Variants in LPIN3 observed in about 807,000 individuals in gnomAD.
LPIN3 encodes phosphatidate phosphatase LPIN3.
LPIN3 carries 82 observed loss-of-function variants against 94.7 expected under a neutral mutation model. That is an observed-to-expected ratio of 0.87 (90% CI 0.72 to 1.04). LPIN3 has a LOEUF of 1.04. Ranked by LOEUF, LPIN3 falls within the 50% of genes least tolerant of loss-of-function variation. The pLI, the probability that LPIN3 is intolerant of heterozygous loss-of-function variation, is 0.00. For synonymous variants in LPIN3, 418 were observed against 443.3 expected (o/e 0.94, Z 0.72); for missense variants, 996 against 1,090.5 (o/e 0.91, Z 1.22).
In LPIN3 at chr20:41,350,351, G is replaced by A; in HGVS notation, c.1056G>A (p.Glu352=). 1 of 1,599,814 alleles carries A rather than the reference G, an allele frequency of 6.3e-7. No homozygotes were observed. Among genetic ancestry groups the A allele is most frequent in the Non-Finnish European group, 8.5e-7 (1 of 1,169,930 alleles). Residue 352 remains glutamate (E), a synonymous_variant, in exon 7 of 20, where the codon GAG becomes GAA. Coordinates refer to ENST00000373257, the MANE Select transcript of LPIN3 (RefSeq NM_022896.3). ...AGTCATGGAGCTGGGCCACTCTGGA[G>A]GTTCCAGTTCCCACCGGGCAGCCAG... ...ASKSWSWATL[E]VPVPTGQPER... is the part of the protein sequence containing the mutation.
chr20:41,357,492 T>C, intron 16 of LPIN3, 45 bp downstream of exon 16: 1 of 1,512,370 alleles, frequency 6.6e-7, no homozygotes, highest in South Asian at 1.1e-5. Flanking sequence ...GGCCCCCAGC[T>C]CTAGAGAGGG....
chr20:41,352,506 C>T lies in LPIN3; in HGVS notation c.1364-100C>T, dbSNP rs565567086. On this transcript the variant is annotated intron_variant, in intron 9 of 19. Coordinates refer to ENST00000373257, the MANE Select transcript of LPIN3 (RefSeq NM_022896.3). Reference sequence around the variant, plus strand: ...AGCACTGCCAGGTTACAAAGCCAACCGACAGGAGGTGAGCAGCAGAGTGGG... The same window carrying T: ...AGCACTGCCAGGTTACAAAGCCAACTGACAGGAGGTGAGCAGCAGAGTGGG... 8.3e-5 allele frequency: 91 copies of T among 1,096,978 alleles called. 1 individual carries two copies. Among genetic ancestry groups the T allele is most frequent in the South Asian group, 1.1e-4 (8 of 73,008 alleles). 68.0% of individuals were successfully genotyped at this position (1,096,978 alleles called of 1,614,324 possible). A position where few individuals can be genotyped will look rare whatever the true frequency, so the allele number is the denominator to read the frequency against.
chr20:41,349,004 C>T lies in LPIN3; in HGVS notation c.558-88C>T, dbSNP rs955235046. The T allele has an allele frequency of 3.8e-6, 6 of 1,583,574 alleles. No homozygotes were observed. In the African/African-American group the frequency reaches 8.1e-5, roughly 21 times the overall value. On this transcript the variant is annotated intron_variant, in intron 4 of 19. Transcript: ENST00000373257. Reference sequence around the variant, plus strand: ...ACCTCTCTGAGCAGTAGTTGCTTCACCTTACCAAGCCCCTGATGTCCAGGC... The same window carrying T: ...ACCTCTCTGAGCAGTAGTTGCTTCATCTTACCAAGCCCCTGATGTCCAGGC...
In LPIN3 at chr20:41,358,774, G is replaced by A. The variant is rs137859481; in HGVS notation, c.2464G>A (p.Gly822Ser). ...GCTCCTCTTCCCACCTGTGGCCCGT[G>A]GCCCCAGCACAGACCTGGCCAACCC... Reference protein sequence around the residue: ...VELLFPPVARGPSTDLANPEY... With the variant: ...VELLFPPVARSPSTDLANPEY... The change falls in exon 20 of 20, where the codon GGC becomes AGC. Residue 822 changes from glycine to serine, a missense_variant. By Grantham distance (56) the Gly-to-Ser change is moderately conservative. Coordinates refer to ENST00000373257, the MANE Select transcript of LPIN3 (RefSeq NM_022896.3). 1.2e-5 allele frequency: 19 copies of A among 1,614,002 alleles called. No individual in the cohort carries two copies. Among genetic ancestry groups the A allele is most frequent in the Non-Finnish European group, 1.6e-5 (19 of 1,180,032 alleles).
chr20:41,351,560 G>T (rs1407125308), intron 7 of LPIN3, among the ~76,000 whole-genome samples: 1 of 152,112 alleles, frequency 6.6e-6, no homozygotes, highest in East Asian at 1.9e-4. Flanking sequence ...CTCCCAAAGT[G>T]CTGGGATTAC....
Position 41,357,430 on chromosome 20 carries a change from C to CT in LPIN3, c.2023dup (p.Tyr675LeufsTer38), listed in dbSNP as rs754173716. 6.2e-7 allele frequency: 1 copy of CT among 1,613,700 alleles called. No homozygotes were observed. Among genetic ancestry groups the CT allele is most frequent in the South Asian group, 1.1e-5 (1 of 91,080 alleles). On this transcript the variant is annotated frameshift_variant, in exon 16 of 20. Coordinates refer to ENST00000373257, the MANE Select transcript of LPIN3 (RefSeq NM_022896.3). LOFTEE classifies it high-confidence loss of function. The stretch of plus-strand genomic sequence containing the variant: ...GGACACACCAGGGCATCACCAGTCT[C>CT]TATCACAAAATCCAACTGTGAGTGC...
At chr20:41,355,292 C>T (rs766758678) in intron 13 of LPIN3, among the ~76,000 whole-genome samples, 4 of 152,182 alleles carry the variant, frequency 2.6e-5, no homozygotes, top group Non-Finnish European at 4.4e-5. Context: ...GGATTACAGG[C>T]GTGAGCCACC....
intron 13 of LPIN3, among the ~76,000 whole-genome samples, chr20:41,355,124 C>G (rs917766746): frequency 6.6e-6 from 1 of 152,172 alleles, no homozygotes; most frequent in African/African-American, 2.4e-5. Flanking sequence ...AAGCGATTTT[C>G]CTGCCTCAGC....
rs548975382 is a variant in LPIN3, at chr20:41,358,897, C to T, written c.*31C>T. On this transcript the variant is annotated 3_prime_UTR_variant, in exon 20 of 20. Transcript: ENST00000373257. ...CCCTGGCTGGCTCCTCCTCCCTGGC[C>T]CGGCCCAGGACTGGCTAGGTGTCCT... The T allele has an allele frequency of 6.2e-7, 1 of 1,612,144 alleles. No individual in the cohort carries two copies. Among genetic ancestry groups the T allele is most frequent in the Admixed American group, 1.7e-5 (1 of 59,904 alleles).
chr20:41,352,716 G>C lies in LPIN3; in HGVS notation c.1457+17G>C. 2 of 1,613,060 alleles carry C rather than the reference G, an allele frequency of 1.2e-6. No homozygotes were observed. Among genetic ancestry groups the C allele is most frequent in the Non-Finnish European group, 1.7e-6 (2 of 1,179,018 alleles). On this transcript the variant is annotated intron_variant, in intron 10 of 19. Coordinates refer to ENST00000373257, the MANE Select transcript of LPIN3 (RefSeq NM_022896.3). Reference sequence around the variant, plus strand: ...CAATGGAAAGTAAGTCCCAGAGCTGGGGCTGCTGGCAGCCGGAGAGTCATT... The same window carrying C: ...CAATGGAAAGTAAGTCCCAGAGCTGCGGCTGCTGGCAGCCGGAGAGTCATT...
intron 1 of LPIN3, among the ~76,000 whole-genome samples, chr20:41,345,409 C>T (rs2045732355): frequency 1.3e-5 from 2 of 152,232 alleles, no homozygotes; most frequent in South Asian, 4.1e-4. Context: ...AATAATGACA[C>T]CCGCTCAGCC....
In LPIN3 at chr20:41,358,734, T is replaced by A. The variant is rs765513267; in HGVS notation, c.2424T>A (p.Leu808=). Reference sequence around the variant, plus strand: ...CTTCTGCCTGTAGGTATGAGCGGCTTGGTGAAGTGGTCGAGCTCCTCTTCC... The same window carrying A: ...CTTCTGCCTGTAGGTATGAGCGGCTAGGTGAAGTGGTCGAGCTCCTCTTCC... ...IKNHKSTYER[L]GEVVELLFPP... Residue 808 remains leucine, a synonymous_variant, in exon 20 of 20, where the codon CTT becomes CTA. Coordinates refer to ENST00000373257, the MANE Select transcript of LPIN3 (RefSeq NM_022896.3). 4 of 1,613,962 alleles carry A rather than the reference T, an allele frequency of 2.5e-6. No homozygotes were observed. The highest frequency in any genetic ancestry group is 3.4e-6 in the Non-Finnish European group (4 of 1,180,000).
At position 41,357,997 on chromosome 20, in the gene LPIN3, C is replaced by T; in HGVS notation, c.2155C>T (p.Leu719Phe). Residue 719 changes from leucine (L) to phenylalanine (F), a missense_variant, in exon 17 of 20, where the codon CTT (leucine) becomes TTT (phenylalanine). Physicochemically the swap from Leu to Phe is conservative, Grantham distance 22. Coordinates refer to ENST00000373257, the MANE Select transcript of LPIN3 (RefSeq NM_022896.3). The part of the protein sequence containing the change: ...GGCSLPKGPI[L>F]LSPSSLFSAL... ...CTGTAGCCTCCCCAAGGGCCCCATCCTTCTGTCTCCCAGCAGCCTCTTCTC... is the reference window on the plus strand; with the variant it reads ...CTGTAGCCTCCCCAAGGGCCCCATCTTTCTGTCTCCCAGCAGCCTCTTCTC... 6.2e-7 allele frequency: 1 copy of T among 1,611,188 alleles called. No individual in the cohort carries two copies. The highest frequency in any genetic ancestry group is 1.3e-5 in the African/African-American group (1 of 74,972).
chr20:41,357,755 A>T (rs2046263879), intron 16 of LPIN3, 127 bp from the exon 17 acceptor site: 2 of 1,292,918 alleles, frequency 1.5e-6, no homozygotes, highest in Non-Finnish European at 2.2e-6. Context: ...GTTCTCTTCA[A>T]GTCCCCTCCC....
chr20:41,353,148 C>G (rs748070794), intron 11 of LPIN3, among the ~76,000 whole-genome samples: 5 of 152,244 alleles, frequency 3.3e-5, no homozygotes, highest in African/African-American at 4.8e-5. Context: ...GATGCTTAAA[C>G]AAGGACATGT....
chr20:41,350,973 T>G (rs1384230036), intron 7 of LPIN3, among the ~76,000 whole-genome samples: 1 of 152,006 alleles, frequency 6.6e-6, no homozygotes, highest in African/African-American at 2.4e-5. Context: ...AGGGACAGCA[T>G]GGTGGCTCAT....
At chr20:41,343,104 A>G (rs539538261) in intron 1 of LPIN3, among the ~76,000 whole-genome samples, 32 of 152,340 alleles carry the variant, frequency 2.1e-4, no homozygotes, top group Non-Finnish European at 3.8e-4. Context: ...GAGACCAGGG[A>G]TGCTGCTGAA....
At position 41,352,045 on chromosome 20, in the gene LPIN3, C is replaced by T. The variant is rs766177520; in HGVS notation, c.1203-15C>T. On this transcript the variant is annotated splice_polypyrimidine_tract_variant and intron_variant, in intron 8 of 19. Coordinates refer to ENST00000373257, the MANE Select transcript of LPIN3 (RefSeq NM_022896.3). ...CTCCTCGTATTCTTGTCATTGTTGG[C>T]CCCTTTGCCTGCAGTGACTCTGGGC... is the stretch of plus-strand genomic sequence containing the variant. 1.2e-6 allele frequency: 2 copies of T among 1,613,942 alleles called. No individual in the cohort carries two copies. The highest frequency in any genetic ancestry group is 2.7e-5 in the African/African-American group (2 of 74,940).
Position 41,351,884 on chromosome 20 carries a change from T to C in LPIN3, c.1166T>C (p.Leu389Pro). The change falls in exon 8 of 20, where the codon CTG (leucine) becomes CCG (proline). Residue 389 changes from leucine to proline, a missense_variant. By Grantham distance (98) the Leu-to-Pro change is moderately conservative. Transcript: ENST00000373257. ...ATCTACCTGGATGACTTGCCCTCCC[T>C]GGACTCTGAGAATGCAGCGCTTTAC... is the stretch of plus-strand genomic sequence containing the variant. The part of the protein sequence containing the change: ...SDIYLDDLPS[L>P]DSENAALYFP... 1 of 1,614,230 alleles carries C rather than the reference T, an allele frequency of 6.2e-7. No homozygotes were observed.
Sources: gnomAD v4.1 joint callset for allele counts (sites outside exome capture counted in the v4.1 genomes callset) on GRCh38, gnomAD v4.1.1 for gene constraint, MANE v1.5 for transcripts, NCBI Gene and HGNC (gene_info 2026-07-23, HGNC 2026-07-21) for gene names.